PDZRN4: variants seen among roughly 807,000 people sequenced by gnomAD.
PDZRN4 encodes PDZ domain-containing RING finger protein 4.
PDZRN4 carries 70 observed loss-of-function variants against 99.0 expected under a neutral mutation model. The observed-to-expected ratio is 0.71, with a 90% CI of 0.58 to 0.86. The LOEUF is 0.86. Ranked by LOEUF, PDZRN4 falls within the 40% of genes least tolerant of loss-of-function variation. PDZRN4 has a pLI of 0.00. For synonymous variants in PDZRN4, 551 were observed against 501.6 expected (o/e 1.10, Z -1.32); for missense variants, 1,474 against 1,331.2 (o/e 1.11, Z -1.67).
chr12:41,427,707 A>C (rs1206783154), intron 3 of PDZRN4, among the ~76,000 whole-genome samples: 2 of 152,180 alleles, frequency 1.3e-5, no homozygotes, highest in African/African-American at 2.4e-5. Flanking sequence ...GACCATTTTC[A>C]TGATGGAAAA....
chr12:41,252,207 T>C (rs1388771143), intron 3 of PDZRN4, among the ~76,000 whole-genome samples: 6 of 152,184 alleles, frequency 3.9e-5, no homozygotes, highest in Non-Finnish European at 5.9e-5. Flanking sequence ...TACTTTATGG[T>C]ATGATCAGTA....
chr12:41,358,494 C>CT (rs1247703058), intron 3 of PDZRN4, among the ~76,000 whole-genome samples: 2 of 152,042 alleles, frequency 1.3e-5, no homozygotes, highest in Admixed American at 6.6e-5. Context: ...TATCTACTCA[C>CT]TTTTTTCCAT....
chr12:41,560,944 T>C (rs976661997), intron 7 of PDZRN4, among the ~76,000 whole-genome samples: 8 of 152,168 alleles, frequency 5.3e-5, no homozygotes, highest in Non-Finnish European at 8.8e-5. Context: ...ATAAATTACA[T>C]TTTAATGACA....
intron 3 of PDZRN4, among the ~76,000 whole-genome samples, chr12:41,232,218 G>C (rs2060055): frequency 0.67 from 101,472 of 151,754 alleles, 34,065 homozygotes; most frequent in South Asian, 0.73. Context: ...ATGAAATGCT[G>C]TCTTCATATA....
intron 3 of PDZRN4, among the ~76,000 whole-genome samples, chr12:41,291,259 G>C (rs573506713): frequency 1.3e-5 from 2 of 152,042 alleles, no homozygotes; most frequent in South Asian, 2.1e-4. Context: ...ACTATTATTT[G>C]TTCTAATAAA....
chr12:41,211,705 TA>T (rs1950889745), intron 3 of PDZRN4, among the ~76,000 whole-genome samples: 1 of 152,016 alleles, frequency 6.6e-6, no homozygotes, highest in Admixed American at 6.6e-5. Flanking sequence ...CAGAAGCCTT[TA>T]TGTATATAAA....
At chr12:41,288,358 T>C (rs1951434175) in intron 3 of PDZRN4, among the ~76,000 whole-genome samples, 1 of 152,134 alleles carries the variant, frequency 6.6e-6, no homozygotes, top group Admixed American at 6.6e-5. Flanking sequence ...GTTTCTGAAG[T>C]GTTTAGACTG....
chr12:41,421,588 C>A (rs1952491249), intron 3 of PDZRN4, among the ~76,000 whole-genome samples: 1 of 152,182 alleles, frequency 6.6e-6, no homozygotes, highest in African/African-American at 2.4e-5. Flanking sequence ...TTACCCACTG[C>A]AGAAAGAACA....
intron 3 of PDZRN4, among the ~76,000 whole-genome samples, chr12:41,300,720 C>T (rs977756155): frequency 1.3e-5 from 2 of 152,082 alleles, no homozygotes; most frequent in East Asian, 1.9e-4. Flanking sequence ...CTTTCACATA[C>T]TGGTCAGCTG....
chr12:41,340,741 G>GA (rs1951810046), intron 3 of PDZRN4, among the ~76,000 whole-genome samples: 1 of 151,246 alleles, frequency 6.6e-6, no homozygotes, highest in Admixed American at 6.6e-5. Flanking sequence ...ATTTTTTAAT[G>GA]AAAAAAAGGC....
intron 3 of PDZRN4, among the ~76,000 whole-genome samples, chr12:41,271,084 GT>G (rs1480624366): frequency 1.3e-5 from 2 of 151,632 alleles, no homozygotes; most frequent in African/African-American, 2.4e-5. Context: ...TTCATTTTGT[GT>G]TTTATATTAT....
chr12:41,316,181 T>C (rs1475256571), intron 3 of PDZRN4, among the ~76,000 whole-genome samples: 1 of 152,126 alleles, frequency 6.6e-6, no homozygotes, highest in African/African-American at 2.4e-5. Context: ...TCGTACCTAG[T>C]GATCATAATC....
chr12:41,564,836 A>G (rs56311508), intron 8 of PDZRN4, among the ~76,000 whole-genome samples: 45,263 of 151,964 alleles, frequency 0.3, 8,094 homozygotes, highest in Admixed American at 0.39. Flanking sequence ...CGCTGCTCCC[A>G]TTTTCTTCAA....
intron 3 of PDZRN4, among the ~76,000 whole-genome samples, chr12:41,223,437 A>ATAAT (rs1471821384): frequency 6.6e-6 from 1 of 152,094 alleles, no homozygotes. Context: ...TTTAGTTCAG[A>ATAAT]TAATCACACA....
intron 3 of PDZRN4, among the ~76,000 whole-genome samples, chr12:41,377,859 G>A (rs1170819539): frequency 6.6e-6 from 1 of 152,082 alleles, no homozygotes; most frequent in East Asian, 1.9e-4. Context: ...GAATTCATTT[G>A]TTAGTTCTCT....
chr12:41,332,763 AAAG>A (rs1201345458), intron 3 of PDZRN4, among the ~76,000 whole-genome samples: 9 of 143,336 alleles, frequency 6.3e-5, no homozygotes, highest in Admixed American at 2.8e-4. Context: ...AAAAAAAAAA[AAAG>A]ATCTGGAAGT....
intron 5 of PDZRN4, among the ~76,000 whole-genome samples, chr12:41,537,201 G>C (rs1231537635): frequency 6.6e-6 from 1 of 152,138 alleles, no homozygotes; most frequent in Non-Finnish European, 1.5e-5. Flanking sequence ...GAGATGCAGA[G>C]ATCTCTGTGT....
chr12:41,365,579 T>G (rs1951993821), intron 3 of PDZRN4, among the ~76,000 whole-genome samples: 1 of 152,060 alleles, frequency 6.6e-6, no homozygotes, highest in African/African-American at 2.4e-5. Flanking sequence ...AGAAAGGGTG[T>G]TGTGTTGACG....
chr12:41,221,601 A>G (rs1384240007), intron 3 of PDZRN4, among the ~76,000 whole-genome samples: 1 of 152,108 alleles, frequency 6.6e-6, no homozygotes, highest in Admixed American at 6.6e-5. Flanking sequence ...TATGAGCAGA[A>G]CTGATAAGGA....
Sources: gnomAD v4.1 joint callset for allele counts (sites outside exome capture counted in the v4.1 genomes callset) on GRCh38, gnomAD v4.1.1 for gene constraint, MANE v1.5 for transcripts, NCBI Gene and HGNC (gene_info 2026-07-23, HGNC 2026-07-21) for gene names.